The following CCNE2 variants were observed in gnomAD, a reference collection of about 807,000 sequenced individuals.
The protein encoded by CCNE2 is G1/S-specific cyclin-E2.
Under a neutral mutation model 56.8 loss-of-function variants are expected in CCNE2, and 18 were observed. The observed-to-expected ratio is 0.32, with a 90% CI of 0.22 to 0.47. The LOEUF is 0.47. CCNE2 is among the 20% of genes least tolerant of loss of function. The pLI is 1.00. For missense variants in CCNE2, 371 were observed against 467.1 expected (o/e 0.79, Z 1.90); for synonymous variants, 139 against 149.2 (o/e 0.93, Z 0.50).
chr8:94,881,035 A>G lies in CCNE2; in HGVS notation c.*597T>C. ...TTAAAAAATGTGTTATGGCAAGGCA[A>G]ATAAACTAGTTTAAAAAACATTAAA... On this transcript the variant is annotated 3_prime_UTR_variant, in exon 12 of 12. Transcript: ENST00000308108. 1 of 398,626 alleles carries G rather than the reference A, an allele frequency of 2.5e-6. No individual in the cohort carries two copies. The highest frequency in any genetic ancestry group is 4.4e-6 in the Non-Finnish European group (1 of 225,784). The allele number at this position is 398,626 out of a possible 1,614,324, so 24.7% of individuals were successfully genotyped here. A position where few individuals can be genotyped will look rare whatever the true frequency, so the allele number is the denominator to read the frequency against.
chr8:94,885,336 A>G, intron 8 of CCNE2, 127 bp downstream of exon 8: 1 of 1,058,466 alleles, frequency 9.4e-7, no homozygotes, highest in South Asian at 1.5e-5. Context: ...TTAACCTCTT[A>G]GAACTGGATC....
intron 5 of CCNE2, among the ~76,000 whole-genome samples, chr8:94,891,010 TTAAAG>T (rs1817220138): frequency 1.3e-5 from 2 of 152,198 alleles, no homozygotes; most frequent in Non-Finnish European, 2.9e-5. Flanking sequence ...GAAGAAGCTC[TTAAAG>T]TAAATAAGAA....
intron 5 of CCNE2, 47 bp from the exon 6 acceptor site, chr8:94,890,597 T>G (rs750901199): frequency 2.1e-6 from 1 of 477,608 alleles, no homozygotes; most frequent in Non-Finnish European, 2.8e-6. Context: ...ATATATTTTT[T>G]TTTTTTTTTT....
At position 94,882,131 on chromosome 8, in the gene CCNE2, C is replaced by G. The variant is rs756266274; in HGVS notation, c.1101+1G>C. The G allele has an allele frequency of 1.3e-6, 2 of 1,595,752 alleles. No homozygotes were observed. On this transcript the variant is annotated splice_donor_variant, in intron 11 of 11. Transcript: ENST00000308108. LOFTEE classifies it high-confidence loss of function. ...GCCAAAAAACTCACAAAAAAACATACCAGCATAGCCAAATAGTTTGTATGT... is the reference window on the plus strand; with the variant it reads ...GCCAAAAAACTCACAAAAAAACATAGCAGCATAGCCAAATAGTTTGTATGT...
intron 10 of CCNE2, among the ~76,000 whole-genome samples, chr8:94,882,540 G>T (rs985516929): frequency 2.6e-5 from 4 of 152,148 alleles, no homozygotes; most frequent in African/African-American, 9.7e-5. Flanking sequence ...AAATCCCAAA[G>T]AACTCTTAAA....
Position 94,881,568 on chromosome 8 carries a change from AGTT to A in CCNE2, c.*61_*63del, listed in dbSNP as rs1816813709. The A allele has an allele frequency of 6.5e-7, 1 of 1,528,414 alleles. No homozygotes were observed. The highest frequency in any genetic ancestry group is 1.4e-5 in the African/African-American group (1 of 72,126). The allele number at this position is 1,528,414 out of a possible 1,614,324, so 94.7% of individuals were successfully genotyped here. A position where few individuals can be genotyped will look rare whatever the true frequency, so the allele number is the denominator to read the frequency against. On this transcript the variant is annotated 3_prime_UTR_variant, in exon 12 of 12. Transcript: ENST00000308108. Reference sequence around the variant, plus strand: ...GCACTACTTTCTGTAAAACTTTAGTAGTTCAGTGATACCAGTTCTACCCAATCT... The same window carrying A: ...GCACTACTTTCTGTAAAACTTTAGTACAGTGATACCAGTTCTACCCAATCT...
chr8:94,889,988 A>G (rs998025969), intron 6 of CCNE2, among the ~76,000 whole-genome samples: 2 of 152,228 alleles, frequency 1.3e-5, no homozygotes, highest in Non-Finnish European at 1.5e-5. Flanking sequence ...TAGTCTCATT[A>G]TGGTTTAGGA....
intron 11 of CCNE2, 94 bp from the exon 12 acceptor site, chr8:94,881,839 A>G: frequency 6.8e-7 from 1 of 1,470,012 alleles, no homozygotes. Flanking sequence ...CCTAATTTTA[A>G]TAGTCTTTTT....
upstream of CCNE2, chr8:94,896,604 G>T (rs966742340): frequency 6.6e-6 from 1 of 152,066 alleles, no homozygotes; most frequent in Non-Finnish European, 1.5e-5. Context: ...CGGTAGCTCG[G>T]GCGGGCCGCG....
rs34822361 is a variant in CCNE2 at position 94,880,866 on chromosome 8, CA to C, written c.*765del. ...AGTTTTTCACCCAAATTGTGATATA[CA>C]AAAAGGTTATTACCAAGCAACCTAC... On this transcript the variant is annotated 3_prime_UTR_variant, in exon 12 of 12. Coordinates refer to ENST00000308108, the MANE Select transcript of CCNE2 (RefSeq NM_057749.3). The C allele has an allele frequency of 6.5e-5, 26 of 398,470 alleles. No homozygotes were observed. The highest frequency in any genetic ancestry group is 5.4e-4 in the African/African-American group (26 of 48,564). 24.7% of individuals were successfully genotyped at this position (398,470 alleles called of 1,614,324 possible).
Position 94,882,148 on chromosome 8 carries a change from T to C in CCNE2, c.1085A>G (p.Asn362Ser). 1 of 1,609,300 alleles carries C rather than the reference T, an allele frequency of 6.2e-7. No individual in the cohort carries two copies. The highest frequency in any genetic ancestry group is 8.5e-7 in the Non-Finnish European group (1 of 1,178,490). Residue 362 changes from asparagine (N) to serine (S), a missense_variant, in exon 11 of 12, where the codon AAC becomes AGC. Physicochemically the swap from Asn to Ser is conservative, Grantham distance 46 (BLOSUM62 1). Coordinates refer to ENST00000308108, the MANE Select transcript of CCNE2 (RefSeq NM_057749.3). ...AAAACATACCAGCATAGCCAAATAG[T>C]TTGTATGTGTCTGGATATTATGTCT... is the stretch of plus-strand genomic sequence containing the variant. Reference protein sequence around the residue: ...EDRHNIQTHTNYLAMLEEVNY... With the variant: ...EDRHNIQTHTSYLAMLEEVNY...
rs1019417795 is a variant in CCNE2, at chr8:94,881,454, A to G, written c.*178T>C. The G allele has an allele frequency of 3.4e-6, 2 of 592,942 alleles. No homozygotes were observed. The highest frequency in any genetic ancestry group is 5.8e-6 in the Non-Finnish European group (2 of 344,162). 36.7% of individuals were successfully genotyped at this position (592,942 alleles called of 1,614,324 possible). On this transcript the variant is annotated 3_prime_UTR_variant, in exon 12 of 12. Transcript: ENST00000308108. ...GTTTCTTTAACAGCTAACATAGGAA[A>G]TAATTAAATGTATTCTTTAGTGCCA...
intron 9 of CCNE2, chr8:94,883,874 TTC>T (rs1417216515): frequency 6.6e-6 from 3 of 456,044 alleles, no homozygotes; most frequent in African/African-American, 6.0e-5. Context: ...TAAACTTCAA[TTC>T]TGTTTGTCCT....
chr8:94,885,727 C>CTTTTTTTT (rs747420459), intron 7 of CCNE2, among the ~76,000 whole-genome samples, 169 bp from the exon 8 acceptor site: 1 of 114,174 alleles, frequency 8.8e-6, no homozygotes, highest in Non-Finnish European at 1.8e-5. Context: ...CATTTTCTTT[C>CTTTTTTTT]TTTTTTTTTT....
chr8:94,891,800 G>C, intron 5 of CCNE2: 2 of 1,528,662 alleles, frequency 1.3e-6, no homozygotes, highest in East Asian at 2.3e-5. Flanking sequence ...CAAGGTTGGT[G>C]GCCCAAAAAG....
At chr8:94,890,582 T>TAC in intron 5 of CCNE2, 32 bp from the exon 6 acceptor site, 1 of 599,492 alleles carries the variant, frequency 1.7e-6, no homozygotes, top group Non-Finnish European at 2.1e-6. Flanking sequence ...ACCATATATA[T>TAC]ATATATATAT....
At chr8:94,883,852 G>T (rs766514961) in intron 9 of CCNE2, 2 of 455,782 alleles carry the variant, frequency 4.4e-6, no homozygotes, top group East Asian at 6.9e-5. Flanking sequence ...GAAGATACTT[G>T]TGCAGTGGAA....
intron 7 of CCNE2, among the ~76,000 whole-genome samples, chr8:94,887,522 A>G (rs1378527145): frequency 6.6e-6 from 1 of 151,826 alleles, no homozygotes; most frequent in Non-Finnish European, 1.5e-5. Context: ...GAAAAAAAAA[A>G]GGCTGGATAA....
rs750535446 is a variant in CCNE2 at position 94,890,574 on chromosome 8, CAT to C, written c.318-26_318-25del. Reference sequence around the variant, plus strand: ...AGCTATGGAAAGAGAGGAAAAAAACCATATATATATATATATATTTTTTTTTT... The same window carrying C: ...AGCTATGGAAAGAGAGGAAAAAAACCATATATATATATATATTTTTTTTTT... On this transcript the variant is annotated intron_variant, in intron 5 of 11. Transcript: ENST00000308108. 1,065 of 715,376 alleles carry C rather than the reference CAT, an allele frequency of 1.5e-3. 9 individuals carry two copies. The highest frequency in any genetic ancestry group is 4.5e-3 in the Middle Eastern group (13 of 2,906). The allele number at this position is 715,376 out of a possible 1,614,324, so 44.3% of individuals were successfully genotyped here.
Sources: allele counts gnomAD v4.1 joint callset (sites outside exome capture counted in the v4.1 genomes callset), GRCh38; gene constraint gnomAD v4.1.1; transcripts MANE v1.5; gene names NCBI Gene and HGNC (gene_info 2026-07-23, HGNC 2026-07-21).